The following ZFAT variants were observed in gnomAD, a reference collection of about 807,000 sequenced individuals.
ZFAT encodes zinc finger protein ZFAT.
In ZFAT, 64 loss-of-function variants were observed where a neutral mutation model predicts 117.7. That is an observed-to-expected ratio of 0.54 (90% CI 0.44 to 0.67). The LOEUF is 0.67. ZFAT is among the 30% of genes least tolerant of loss of function. ZFAT has a pLI of 0.00. For missense variants in ZFAT, 1,433 were observed against 1,584.5 expected, an observed-to-expected ratio of 0.90 and a Z score of 1.62; for synonymous variants, 679 against 615.0, an observed-to-expected ratio of 1.10 and a Z score of -1.54.
At chr8:134,515,903 A>G (rs1820219422) in intron 13 of ZFAT, among the ~76,000 whole-genome samples, 2 of 152,250 alleles carry the variant, frequency 1.3e-5, no homozygotes, top group Non-Finnish European at 2.9e-5. Context: ...CCAAAAAAGA[A>G]CTACAATGCT....
chr8:134,557,507 G>A (rs924941783), intron 11 of ZFAT, among the ~76,000 whole-genome samples: 14 of 152,192 alleles, frequency 9.2e-5, no homozygotes, highest in Admixed American at 6.5e-5. Context: ...CAAATGTTCC[G>A]TATTGATATT....
At chr8:134,594,074 G>A (rs116029592) in intron 7 of ZFAT, among the ~76,000 whole-genome samples, 291 of 152,336 alleles carry the variant, frequency 1.9e-3, no homozygotes, top group African/African-American at 6.8e-3. Context: ...CCTTTCCACT[G>A]GAAATAGTTC....
chr8:134,758,778 G>A, the ZFAT span, among the ~76,000 whole-genome samples: 1 of 152,218 alleles, frequency 6.6e-6, no homozygotes, highest in Non-Finnish European at 1.5e-5. Context: ...GAGAGCAAAT[G>A]TTCCATCAAG....
At chr8:134,557,964 C>T (rs966928740) in intron 11 of ZFAT, among the ~76,000 whole-genome samples, 44 of 152,182 alleles carry the variant, frequency 2.9e-4, no homozygotes, top group African/African-American at 9.2e-4. Context: ...ATTCAAAACC[C>T]AGTACACTGT....
At chr8:134,696,717 CCAGCACTCCGAG>C (rs1833861140) in intron 1 of ZFAT, among the ~76,000 whole-genome samples, 1 of 152,194 alleles carries the variant, frequency 6.6e-6, no homozygotes, top group Non-Finnish European at 1.5e-5. Context: ...CACAGACCAA[CCAGCACTCCGAG>C]GGGGTGTGGC....
chr8:134,496,523 C>T (rs1195583167), intron 15 of ZFAT, among the ~76,000 whole-genome samples: 1 of 152,196 alleles, frequency 6.6e-6, no homozygotes, highest in African/African-American at 2.4e-5. Flanking sequence ...CATGAGGCTG[C>T]TCAGCACAAG....
chr8:134,760,470 A>G, the ZFAT span, among the ~76,000 whole-genome samples: 4 of 152,164 alleles, frequency 2.6e-5, no homozygotes, highest in East Asian at 5.8e-4. Flanking sequence ...CCTCATTTCT[A>G]TCTGTTCTCT....
At chr8:134,798,241 G>C in the ZFAT span, 1 of 151,796 alleles carries the variant, frequency 6.6e-6, no homozygotes, top group Non-Finnish European at 1.5e-5. Context: ...AAAATTCACA[G>C]AAAAAAGTTC....
intron 15 of ZFAT, among the ~76,000 whole-genome samples, chr8:134,506,620 C>T (rs895319044): frequency 2.6e-5 from 4 of 152,176 alleles, no homozygotes; most frequent in Admixed American, 6.6e-5. Context: ...CCCCAGAAGA[C>T]TTGGGATTAA....
chr8:134,780,267 A>G, the ZFAT span, among the ~76,000 whole-genome samples: 1 of 152,326 alleles, frequency 6.6e-6, no homozygotes, highest in Non-Finnish European at 1.5e-5. Flanking sequence ...AATGGTTGCT[A>G]GAGGCAACCA....
At chr8:134,574,463 G>A (rs532310407) in intron 10 of ZFAT, among the ~76,000 whole-genome samples, 1 of 151,748 alleles carries the variant, frequency 6.6e-6, no homozygotes, top group Non-Finnish European at 1.5e-5. Flanking sequence ...CATCTGCTTG[G>A]TGACTTTCCC....
the ZFAT span, among the ~76,000 whole-genome samples, chr8:134,820,012 T>C: frequency 3.7e-4 from 56 of 152,334 alleles, no homozygotes; most frequent in South Asian, 0.011. Context: ...TAGGACATCA[T>C]GATATCTTTC....
At chr8:134,594,143 G>A (rs1224217632) in intron 7 of ZFAT, among the ~76,000 whole-genome samples, 2 of 152,218 alleles carry the variant, frequency 1.3e-5, no homozygotes, top group African/African-American at 2.4e-5. Flanking sequence ...AAATGAAGCT[G>A]TTCTATACAC....
At position 134,602,302 on chromosome 8, in the gene ZFAT, G is replaced by A. The variant is rs759379980; in HGVS notation, c.1417C>T (p.Leu473=). 4 of 1,613,970 alleles carry A rather than the reference G, an allele frequency of 2.5e-6. No homozygotes were observed. The East Asian group carries it at 8.9e-5, about 36-fold the overall frequency. Residue 473 remains leucine, a synonymous_variant, in exon 6 of 16, where the codon CTG becomes TTG. Coordinates refer to ENST00000377838, the MANE Select transcript of ZFAT (RefSeq NM_020863.4). ...TGCACCTCTTTGATGTGGGTGCGCA[G>A]CCTGATGGAGCTGACGAACTTCTTG... ...CRKKFVSSIR[L]RTHIKEVHGA...
intron 11 of ZFAT, among the ~76,000 whole-genome samples, chr8:134,562,129 T>C (rs562354386): frequency 2.6e-5 from 4 of 152,080 alleles, no homozygotes. Context: ...GAAGGAGACA[T>C]GGTGAGAGAT....
At chr8:134,609,813 CAG>C (rs901785240) in intron 4 of ZFAT, among the ~76,000 whole-genome samples, 5 of 151,982 alleles carry the variant, frequency 3.3e-5, no homozygotes, top group African/African-American at 1.2e-4. Context: ...TAAAAGAATA[CAG>C]AGATGGAAAT....
At chr8:134,493,568 T>C (rs192963569) in intron 15 of ZFAT, among the ~76,000 whole-genome samples, 103 of 152,346 alleles carry the variant, frequency 6.8e-4, no homozygotes, top group African/African-American at 2.4e-3. Context: ...AAAGGAAACC[T>C]TCTCTCGTAA....
intron 1 of ZFAT, among the ~76,000 whole-genome samples, chr8:134,697,862 T>C (rs1051085550): frequency 1.4e-5 from 2 of 146,264 alleles, no homozygotes; most frequent in Non-Finnish European, 3.0e-5. Context: ...ATTACAGGCG[T>C]GAGCCACCGC....
intron 6 of ZFAT, 139 bp downstream of exon 6, chr8:134,601,338 C>T (rs894345): frequency 0.41 from 527,919 of 1,290,160 alleles, 110,236 homozygotes; most frequent in Admixed American, 0.59. Context: ...CACAGGGTCA[C>T]CGTTCCTATC....
Sources: allele counts gnomAD v4.1 joint callset (sites outside exome capture counted in the v4.1 genomes callset), GRCh38; gene constraint gnomAD v4.1.1; transcripts MANE v1.5; gene names NCBI Gene and HGNC (gene_info 2026-07-23, HGNC 2026-07-21).